DOK6: variants seen among roughly 807,000 people sequenced by gnomAD.
DOK6 encodes the protein downstream of tyrosine kinase 6.
DOK6 carries 22 observed loss-of-function variants against 44.0 expected under a neutral mutation model. That is an observed-to-expected ratio of 0.50 (90% CI 0.36 to 0.71). The LOEUF (loss-of-function observed/expected upper bound fraction) is 0.71, where lower values mean the gene tolerates loss of function less well. Ranked by LOEUF, DOK6 falls within the 30% of genes least tolerant of loss-of-function variation. The pLI, the probability that DOK6 is intolerant of heterozygous loss-of-function variation, is 0.00. For synonymous variants in DOK6, 166 were observed against 145.5 expected (o/e 1.14, Z -1.01); for missense variants, 340 against 416.4 (o/e 0.82, Z 1.60).
chr18:69,413,345 A>T (rs928651594), intron 1 of DOK6, among the ~76,000 whole-genome samples: 2 of 152,122 alleles, frequency 1.3e-5, no homozygotes, highest in Non-Finnish European at 2.9e-5. Context: ...TAGCTTGGAC[A>T]TTAGAGCATC....
At chr18:69,820,681 A>G (rs1309532207) in intron 7 of DOK6, among the ~76,000 whole-genome samples, 3 of 152,288 alleles carry the variant, frequency 2.0e-5, no homozygotes, top group East Asian at 3.9e-4. Flanking sequence ...CCAAAATAAC[A>G]TACTCTATAC....
chr18:69,431,139 T>TA (rs1450698591), intron 1 of DOK6, among the ~76,000 whole-genome samples: 2 of 152,126 alleles, frequency 1.3e-5, no homozygotes, highest in Admixed American at 6.5e-5. Flanking sequence ...GGAAAAGAGA[T>TA]AGTTATTGCA....
At chr18:69,660,613 A>G (rs1472631261) in intron 3 of DOK6, 1 of 152,070 alleles carries the variant, frequency 6.6e-6, no homozygotes, top group Non-Finnish European at 1.5e-5. Flanking sequence ...CACTGACCTC[A>G]AGGAGCAATG....
At chr18:69,624,686 T>C (rs1984517109) in intron 3 of DOK6, among the ~76,000 whole-genome samples, 1 of 152,108 alleles carries the variant, frequency 6.6e-6, no homozygotes, top group South Asian at 2.1e-4. Context: ...AATTCTTACA[T>C]GTGTGGGGTT....
intron 5 of DOK6, among the ~76,000 whole-genome samples, chr18:69,701,412 CA>C (rs930096556): frequency 6.6e-6 from 1 of 152,074 alleles, no homozygotes; most frequent in Non-Finnish European, 1.5e-5. Flanking sequence ...AAGATAATCA[CA>C]AAAAAATACC....
chr18:69,568,873 C>T (rs1296357890), intron 2 of DOK6, among the ~76,000 whole-genome samples: 1 of 151,616 alleles, frequency 6.6e-6, no homozygotes, highest in African/African-American at 2.4e-5. Context: ...CACTGTCTCC[C>T]ATCACCCCCA....
chr18:69,537,893 A>G (rs985717833), intron 1 of DOK6, among the ~76,000 whole-genome samples: 2 of 152,180 alleles, frequency 1.3e-5, no homozygotes, highest in African/African-American at 4.8e-5. Context: ...TATCAGAAAT[A>G]TGGTTTCCAG....
chr18:69,563,128 G>A (rs562366949), intron 1 of DOK6, among the ~76,000 whole-genome samples: 137 of 152,214 alleles, frequency 9.0e-4, no homozygotes, highest in Middle Eastern at 3.4e-3. Context: ...TTAGAATGGC[G>A]ATCATTAAAA....
chr18:69,559,643 A>G (rs1014821745), intron 1 of DOK6, among the ~76,000 whole-genome samples: 2 of 152,146 alleles, frequency 1.3e-5, no homozygotes, highest in Admixed American at 1.3e-4. Context: ...AAAAAAATAT[A>G]TCTAAAAGTA....
At chr18:69,416,516 C>T (rs1243010794) in intron 1 of DOK6, among the ~76,000 whole-genome samples, 2 of 152,156 alleles carry the variant, frequency 1.3e-5, no homozygotes, top group Non-Finnish European at 2.9e-5. Flanking sequence ...ACTTTACATC[C>T]TCTCCCACTG....
intron 1 of DOK6, among the ~76,000 whole-genome samples, chr18:69,529,247 C>T (rs1981919569): frequency 6.6e-6 from 1 of 152,018 alleles, no homozygotes; most frequent in African/African-American, 2.4e-5. Flanking sequence ...AATTGAAACC[C>T]CTCTTACATG....
At chr18:69,518,595 A>T (rs1981598963) in intron 1 of DOK6, among the ~76,000 whole-genome samples, 1 of 151,774 alleles carries the variant, frequency 6.6e-6, no homozygotes, top group African/African-American at 2.4e-5. Context: ...GAATTTTTGT[A>T]TCAAAATTAC....
At chr18:69,790,568 A>G (rs1980564708) in intron 7 of DOK6, among the ~76,000 whole-genome samples, 1 of 152,094 alleles carries the variant, frequency 6.6e-6, no homozygotes, top group Admixed American at 6.6e-5. Context: ...CAATATTAAG[A>G]TCTTGGTTTT....
chr18:69,597,280 G>C (rs879419041), intron 2 of DOK6, among the ~76,000 whole-genome samples: 23 of 152,156 alleles, frequency 1.5e-4, no homozygotes, highest in Non-Finnish European at 2.9e-4. Flanking sequence ...AAGGCATGTA[G>C]TTGATTTTCA....
At chr18:69,467,141 A>T (rs1979951729) in intron 1 of DOK6, among the ~76,000 whole-genome samples, 1 of 152,166 alleles carries the variant, frequency 6.6e-6, no homozygotes, top group South Asian at 2.1e-4. Context: ...TGCCTTATTT[A>T]ATAATGTTGT....
At chr18:69,829,949 C>A (rs1340053469) in intron 7 of DOK6, among the ~76,000 whole-genome samples, 1 of 151,932 alleles carries the variant, frequency 6.6e-6, no homozygotes, top group African/African-American at 2.4e-5. Flanking sequence ...TGTCAGAAAC[C>A]TAGTGACATA....
chr18:69,559,403 A>G (rs1265357125), intron 1 of DOK6, among the ~76,000 whole-genome samples: 4 of 152,162 alleles, frequency 2.6e-5, no homozygotes, highest in Admixed American at 6.5e-5. Context: ...CAACAACTAT[A>G]TTACTAGGGA....
At chr18:69,644,944 T>A (rs925249378) in intron 3 of DOK6, among the ~76,000 whole-genome samples, 1 of 152,206 alleles carries the variant, frequency 6.6e-6, no homozygotes, top group African/African-American at 2.4e-5. Flanking sequence ...AGGACCAATA[T>A]TAAAATAGAT....
chr18:69,477,996 G>A (rs1405960089), intron 1 of DOK6, among the ~76,000 whole-genome samples: 1 of 152,082 alleles, frequency 6.6e-6, no homozygotes, highest in Non-Finnish European at 1.5e-5. Flanking sequence ...GTTAACAAAT[G>A]GTAAGGAAAA....
Sources: gnomAD v4.1 joint callset for allele counts (sites outside exome capture counted in the v4.1 genomes callset) on GRCh38, gnomAD v4.1.1 for gene constraint, MANE v1.5 for transcripts, NCBI Gene and HGNC (gene_info 2026-07-23, HGNC 2026-07-21) for gene names.